Variants in MSH4 observed in about 807,000 individuals in gnomAD.
The protein encoded by MSH4 is mutS homolog 4, also known as mutS protein homolog 4.
A neutral mutation model predicts 113.7 loss-of-function variants in MSH4; 106 were observed. That is an observed-to-expected ratio of 0.93 (90% CI 0.80 to 1.10). MSH4 has a LOEUF of 1.10. Among genes scored for constraint, MSH4 ranks in the 50% least tolerant of loss-of-function variants. The probability of loss-of-function intolerance (pLI) is 0.00; values close to 1 mark genes in which losing one functional copy is unlikely to be tolerated. For synonymous variants in MSH4, 368 were observed against 380.2 expected, an observed-to-expected ratio of 0.97 and a Z score of 0.37; for missense variants, 1,061 against 1,093.7, an observed-to-expected ratio of 0.97 and a Z score of 0.42.
rs769233007 is a variant in MSH4 at position 75,833,394 on chromosome 1, C to G, written c.1162+10813C>G. Among the ~76,000 whole-genome samples the G allele has an allele frequency of 5.8e-4, 88 of 152,316 alleles. 2 individuals are homozygous for G. Among genetic ancestry groups the G allele is most frequent in the Admixed American group, 5.6e-3 (86 of 15,286 alleles). ...TTTATATATTCAGTGCCATCCCCTT[C>G]AAGCTACGAATGACTTTCTTCACAG... On this transcript the variant is annotated intron_variant, in intron 7 of 19. Transcript: ENST00000263187.
chr1:75,878,464 T>A (rs1251627481), intron 11 of MSH4, 146 bp downstream of exon 11: 2 of 645,906 alleles, frequency 3.1e-6, no homozygotes, highest in Non-Finnish European at 5.1e-6. Context: ...GTAGTGCCAT[T>A]TAAGGAAACA....
intron 9 of MSH4, among the ~76,000 whole-genome samples, chr1:75,876,361 T>C (rs1651817877): frequency 1.3e-5 from 2 of 152,148 alleles, no homozygotes; most frequent in African/African-American, 2.4e-5. Flanking sequence ...TATTATTTTC[T>C]GTTCATAAGC....
chr1:75,812,942 T>C (rs1650220497), intron 4 of MSH4, among the ~76,000 whole-genome samples: 1 of 152,104 alleles, frequency 6.6e-6, no homozygotes, highest in Non-Finnish European at 1.5e-5. Flanking sequence ...TATAGGCCAG[T>C]TGGAGGCTTA....
rs144972818 is a variant in MSH4 at position 75,860,961 on chromosome 1, C to G, written c.1231-6553C>G. Among the ~76,000 whole-genome samples, 557 of 152,264 alleles carry G rather than the reference C, an allele frequency of 3.7e-3. 3 individuals carry two copies. Among genetic ancestry groups the G allele is most frequent in the African/African-American group, 0.012 (503 of 41,566 alleles). Reference sequence around the variant, plus strand: ...TATTTCTTGGAGGCTTTGTTTGTTTCTTTTCACTCTTTTTTCTCTAATCTT... The same window carrying G: ...TATTTCTTGGAGGCTTTGTTTGTTTGTTTTCACTCTTTTTTCTCTAATCTT... On this transcript the variant is annotated intron_variant, in intron 8 of 19. Transcript: ENST00000263187.
At chr1:75,885,123 C>G (rs1245024467) in intron 15 of MSH4, among the ~76,000 whole-genome samples, 6 of 139,532 alleles carry the variant, frequency 4.3e-5, no homozygotes, top group African/African-American at 8.0e-5. Flanking sequence ...GGTTGAGAAA[C>G]TTTTTGATGG....
At chr1:75,869,546 C>A (rs1339632427) in intron 9 of MSH4, among the ~76,000 whole-genome samples, 1 of 152,140 alleles carries the variant, frequency 6.6e-6, no homozygotes, top group East Asian at 1.9e-4. Flanking sequence ...TTTTCTGGCC[C>A]CGCTTGCTCT....
chr1:75,819,280 GC>G (rs1557494942), intron 6 of MSH4, among the ~76,000 whole-genome samples: 1 of 152,116 alleles, frequency 6.6e-6, no homozygotes, highest in Non-Finnish European at 1.5e-5. Context: ...ATCACTTGAG[GC>G]CAGGAGTTTG....
chr1:75,829,493 T>G (rs1037483631), intron 7 of MSH4, among the ~76,000 whole-genome samples: 3 of 152,164 alleles, frequency 2.0e-5, no homozygotes, highest in African/African-American at 7.2e-5. Flanking sequence ...CCTCCCCAAG[T>G]GGGGCCATGA....
chr1:75,809,282 C>A (rs1475801824), intron 3 of MSH4, among the ~76,000 whole-genome samples: 5 of 152,054 alleles, frequency 3.3e-5, no homozygotes, highest in Non-Finnish European at 5.9e-5. Flanking sequence ...TTTTTTAATT[C>A]TCTTCCTTTA....
chr1:75,817,283 A>G (rs1650312960), intron 6 of MSH4, among the ~76,000 whole-genome samples: 2 of 152,318 alleles, frequency 1.3e-5, no homozygotes, highest in East Asian at 3.9e-4. Flanking sequence ...ACCAGAAAAG[A>G]TGCTCAACTT....
intron 15 of MSH4, among the ~76,000 whole-genome samples, chr1:75,885,236 T>C (rs1245215118): frequency 1.4e-5 from 2 of 143,078 alleles, no homozygotes; most frequent in African/African-American, 5.1e-5. Flanking sequence ...AATATAAATA[T>C]ATATATTATA....
chr1:75,885,059 GTA>G lies in MSH4; in HGVS notation c.2107+1253_2107+1254del, dbSNP rs1198722667. On this transcript the variant is annotated intron_variant, in intron 15 of 19. Coordinates refer to ENST00000263187, the MANE Select transcript of MSH4 (RefSeq NM_002440.4). ...TGTGTGTGTGTGTGTGTGTGTGTGT[GTA>G]TATATATATATATACCAGCCAGGAG... is the stretch of plus-strand genomic sequence containing the variant. Among the ~76,000 whole-genome samples, 667 of 112,496 alleles carry G rather than the reference GTA, an allele frequency of 5.9e-3. 4 individuals are homozygous for G. Among genetic ancestry groups the G allele is most frequent in the Non-Finnish European group, 7.9e-3 (466 of 58,836 alleles). The allele number at this position is 112,496 out of a possible 152,430, so 73.8% of individuals were successfully genotyped here.
At chr1:75,829,202 G>A (rs1025098210) in intron 7 of MSH4, among the ~76,000 whole-genome samples, 1 of 152,182 alleles carries the variant, frequency 6.6e-6, no homozygotes. Flanking sequence ...ACAGCAGTCT[G>A]AGATCGAACT....
intron 7 of MSH4, among the ~76,000 whole-genome samples, chr1:75,847,141 C>T (rs903723475): frequency 1.3e-4 from 20 of 152,164 alleles, no homozygotes; most frequent in Non-Finnish European, 2.8e-4. Context: ...GATAATAGCA[C>T]TAATTCACTC....
chr1:75,861,028 A>T (rs1651443982), intron 8 of MSH4, among the ~76,000 whole-genome samples: 1 of 152,068 alleles, frequency 6.6e-6, no homozygotes, highest in African/African-American at 2.4e-5. Flanking sequence ...TCAGTCACTG[A>T]TATCCTTTCT....
intron 7 of MSH4, among the ~76,000 whole-genome samples, chr1:75,828,332 G>A (rs951798619): frequency 1.3e-5 from 2 of 152,068 alleles, no homozygotes; most frequent in South Asian, 4.1e-4. Flanking sequence ...TAAATAAATT[G>A]TTCTCCCAAA....
intron 9 of MSH4, 133 bp downstream of exon 9, chr1:75,867,721 A>G (rs1651618452): frequency 1.6e-5 from 10 of 613,144 alleles, no homozygotes; most frequent in African/African-American, 3.7e-5. Flanking sequence ...CTTTGTACAT[A>G]CTTTACATAC....
At position 75,863,177 on chromosome 1, in the gene MSH4, T is replaced by C. The variant is rs1570974367; in HGVS notation, c.1231-4337T>C. Among the ~76,000 whole-genome samples, 3 of 152,206 alleles carry C rather than the reference T, an allele frequency of 2.0e-5. No individual in the cohort carries two copies. The East Asian group carries it at 5.8e-4, about 29-fold the overall frequency. On this transcript the variant is annotated intron_variant, in intron 8 of 19. Transcript: ENST00000263187. Reference sequence around the variant, plus strand: ...ATATGATTCCTTCTTTGATTTATTCTATGATTCATTTTAGTAAGTATTATG... The same window carrying C: ...ATATGATTCCTTCTTTGATTTATTCCATGATTCATTTTAGTAAGTATTATG...
chr1:75,803,608 ACT>A (rs761171622), intron 1 of MSH4, 121 bp from the exon 2 acceptor site: 14 of 708,316 alleles, frequency 2.0e-5, no homozygotes, highest in Non-Finnish European at 2.5e-5. Context: ...CAAGAGCAAG[ACT>A]CTGTCTCAAA....
Sources: gnomAD v4.1 joint callset for allele counts (sites outside exome capture counted in the v4.1 genomes callset) on GRCh38, gnomAD v4.1.1 for gene constraint, MANE v1.5 for transcripts, NCBI Gene and HGNC (gene_info 2026-07-23, HGNC 2026-07-21) for gene names.